Variants in HERC3 observed in about 807,000 individuals in gnomAD.
HERC3 encodes the protein HECT and RLD domain containing E3 ubiquitin protein ligase 3.
Under a neutral mutation model 129.9 loss-of-function variants are expected in HERC3, and 58 were observed. That is an observed-to-expected ratio of 0.45 (90% confidence interval 0.36 to 0.56). The LOEUF (loss-of-function observed/expected upper bound fraction) is 0.56. Ranked by LOEUF, HERC3 falls within the 20% of genes least tolerant of loss-of-function variation. The probability of loss-of-function intolerance (pLI) is 0.00; values close to 1 mark genes in which losing one functional copy is unlikely to be tolerated. For missense variants in HERC3, 835 were observed against 1,244.2 expected (o/e 0.67, Z 4.95); for synonymous variants, 430 against 451.0 (o/e 0.95, Z 0.59).
At chr4:88,551,565 A>T in the HERC3 span, among the ~76,000 whole-genome samples, 1 of 151,604 alleles carries the variant, frequency 6.6e-6, no homozygotes, top group East Asian at 1.9e-4. Context: ...AGAGAAATGC[A>T]AATCAAAACC....
At chr4:88,605,589 C>G (rs140525456) in intron 2 of HERC3, among the ~76,000 whole-genome samples, 19 of 152,218 alleles carry the variant, frequency 1.2e-4, no homozygotes, top group African/African-American at 4.3e-4. Context: ...ATTTAAACTT[C>G]TTTTTTAAAC....
intron 3 of HERC3, among the ~76,000 whole-genome samples, chr4:88,647,037 C>CCTAT (rs1161236120): frequency 6.6e-6 from 1 of 152,042 alleles, no homozygotes; most frequent in Non-Finnish European, 1.5e-5. Flanking sequence ...AAAGAATAGT[C>CCTAT]CTTTACCTTG....
At position 88,658,447 on chromosome 4, in the gene HERC3, T is replaced by C. The variant is rs769982920; in HGVS notation, c.1102T>C (p.Phe368Leu). ...RFKYHIVKQI[F>L]SGGDQTFVLC... The stretch of plus-strand genomic sequence containing the variant: ...TAAATATCATATCGTTAAGCAGATC[T>C]TCTCTGGAGGAGACCAGACTTTTGT... Residue 368 changes from phenylalanine to leucine, a missense_variant, in exon 10 of 26, where the codon TTC (phenylalanine) becomes CTC (leucine). Coordinates refer to ENST00000402738, the MANE Select transcript of HERC3 (RefSeq NM_014606.3). The C allele has an allele frequency of 6.2e-7, 1 of 1,605,010 alleles. No individual in the cohort carries two copies. The highest frequency in any genetic ancestry group is 8.5e-7 in the Non-Finnish European group (1 of 1,175,100).
At chr4:88,554,101 A>T in the HERC3 span, among the ~76,000 whole-genome samples, 1 of 152,172 alleles carries the variant, frequency 6.6e-6, no homozygotes, top group East Asian at 1.9e-4. Context: ...TAATCCCAGC[A>T]TGTTGGGAGG....
At chr4:88,593,237 G>T (rs1465950493) in intron 1 of HERC3, 1 of 151,182 alleles carries the variant, frequency 6.6e-6, no homozygotes, top group Non-Finnish European at 1.5e-5. Flanking sequence ...GGGGGCGAGG[G>T]TGTGTGCGGA....
At chr4:88,611,395 C>T (rs1724304690) in intron 3 of HERC3, among the ~76,000 whole-genome samples, 1 of 152,160 alleles carries the variant, frequency 6.6e-6, no homozygotes, top group South Asian at 2.1e-4. Context: ...TAGTTTGTTA[C>T]AGGTATCTGT....
At chr4:88,532,055 C>T in the HERC3 span, among the ~76,000 whole-genome samples, 69 of 152,166 alleles carry the variant, frequency 4.5e-4, no homozygotes, top group African/African-American at 1.6e-3. Context: ...AGAACAATTT[C>T]TTTTTCCTAC....
chr4:88,577,820 T>G, the HERC3 span, among the ~76,000 whole-genome samples: 1 of 152,164 alleles, frequency 6.6e-6, no homozygotes, highest in South Asian at 2.1e-4. Flanking sequence ...GGGTTATTTC[T>G]TGGTCAAATT....
upstream of HERC3, among the ~76,000 whole-genome samples, chr4:88,589,060 A>ATGTGTG (rs368954233): frequency 6.6e-6 from 1 of 150,676 alleles, no homozygotes; most frequent in African/African-American, 2.4e-5. Flanking sequence ...TTATGGTTAT[A>ATGTGTG]TGTGTGTGTG....
At chr4:88,697,713 C>T in intron 23 of HERC3, 1 of 1,612,042 alleles carries the variant, frequency 6.2e-7, no homozygotes. Context: ...CTGCCGCCGC[C>T]TGGCTAGGCT....
rs2149334014 is a variant in HERC3 at position 88,693,174 on chromosome 4, C to A, written c.2657+5875C>A. 4 of 984,074 alleles carry A rather than the reference C, an allele frequency of 4.1e-6. No homozygotes were observed. The South Asian group carries it at 1.4e-4, about 35-fold the overall frequency. 61.0% of individuals were successfully genotyped at this position (984,074 alleles called of 1,614,324 possible). ...TGAATATTTGGCTTGTTTGTATGTT[C>A]TTTTTTATTCCTCTTTTTTCTCTTC... On this transcript the variant is annotated intron_variant, in intron 23 of 25. Coordinates refer to ENST00000402738, the MANE Select transcript of HERC3 (RefSeq NM_014606.3).
At chr4:88,636,808 C>G (rs534756408) in intron 3 of HERC3, among the ~76,000 whole-genome samples, 2 of 152,298 alleles carry the variant, frequency 1.3e-5, no homozygotes, top group Admixed American at 1.3e-4. Context: ...ATAGTGCAAT[C>G]AAATTAGAAA....
At chr4:88,655,403 T>C in intron 8 of HERC3, 99 bp downstream of exon 8, 1 of 1,372,760 alleles carries the variant, frequency 7.3e-7, no homozygotes. Context: ...TCACCGTCAT[T>C]TTAAGAGATC....
upstream of HERC3, among the ~76,000 whole-genome samples, chr4:88,591,918 C>A (rs1320090670): frequency 6.6e-6 from 1 of 152,064 alleles, no homozygotes; most frequent in Non-Finnish European, 1.5e-5. Context: ...TCGATCCCCA[C>A]CTCTCCAGAA....
intron 3 of HERC3, among the ~76,000 whole-genome samples, chr4:88,639,198 A>G (rs1727792636): frequency 2.0e-5 from 3 of 152,238 alleles, no homozygotes; most frequent in Admixed American, 1.3e-4. Context: ...TGCTATTCCC[A>G]TCAAACTATA....
At chr4:88,637,635 T>A (rs1727575137) in intron 3 of HERC3, among the ~76,000 whole-genome samples, 1 of 152,126 alleles carries the variant, frequency 6.6e-6, no homozygotes, top group Middle Eastern at 3.4e-3. Flanking sequence ...AATGCCCATA[T>A]CAGAAAGCTA....
At chr4:88,697,543 T>C in intron 23 of HERC3, 1 of 1,614,176 alleles carries the variant, frequency 6.2e-7, no homozygotes, top group Non-Finnish European at 8.5e-7. Context: ...AGGCAGGCTC[T>C]CGATAAAGTC....
chr4:88,552,621 T>A, the HERC3 span, among the ~76,000 whole-genome samples: 1 of 152,246 alleles, frequency 6.6e-6, no homozygotes, highest in Non-Finnish European at 1.5e-5. Context: ...GGATTTTTCA[T>A]AGATGCTGTA....
intron 18 of HERC3, among the ~76,000 whole-genome samples, chr4:88,677,609 A>T (rs1410015204): frequency 6.6e-6 from 1 of 152,182 alleles, no homozygotes; most frequent in Non-Finnish European, 1.5e-5. Flanking sequence ...ACAAGTGGTT[A>T]TTAGCTTTCT....
Sources: gnomAD v4.1 joint callset for allele counts (sites outside exome capture counted in the v4.1 genomes callset) on GRCh38, gnomAD v4.1.1 for gene constraint, MANE v1.5 for transcripts, NCBI Gene and HGNC (gene_info 2026-07-23, HGNC 2026-07-21) for gene names.